The following KCNAB1 variants were observed in gnomAD, a reference collection of about 807,000 sequenced individuals.
KCNAB1 encodes voltage-gated potassium channel subunit beta-1.
Under a neutral mutation model 64.6 loss-of-function variants are expected in KCNAB1, and 35 were observed. That is an observed-to-expected ratio of 0.54 (90% CI 0.41 to 0.72). KCNAB1 has a LOEUF of 0.72. Ranked by LOEUF, KCNAB1 falls within the 30% of genes least tolerant of loss-of-function variation. The pLI is 0.00. For missense variants in KCNAB1, 401 were observed against 512.9 expected (o/e 0.78, Z 2.11); for synonymous variants, 177 against 183.8 (o/e 0.96, Z 0.30).
intron 2 of KCNAB1, among the ~76,000 whole-genome samples, chr3:156,448,849 A>G (rs1711784421): frequency 6.6e-6 from 1 of 152,230 alleles, no homozygotes; most frequent in Non-Finnish European, 1.5e-5. Context: ...TCAACAAGGC[A>G]ATGTAATTCA....
At chr3:156,529,700 T>A (rs1718565127) in intron 12 of KCNAB1, among the ~76,000 whole-genome samples, 1 of 152,164 alleles carries the variant, frequency 6.6e-6, no homozygotes, top group African/African-American at 2.4e-5. Flanking sequence ...TTAGGAGGAA[T>A]AATCAACTGG....
chr3:156,439,662 G>C (rs1009760392), intron 2 of KCNAB1, among the ~76,000 whole-genome samples: 2 of 152,168 alleles, frequency 1.3e-5, no homozygotes, highest in African/African-American at 4.8e-5. Context: ...TGAGGTTTGG[G>C]CCAATCACAA....
intron 13 of KCNAB1, 144 bp downstream of exon 13, chr3:156,531,641 C>T: frequency 1.5e-6 from 1 of 687,070 alleles, no homozygotes; most frequent in East Asian, 2.6e-5. Context: ...TTTCCCAGTA[C>T]ATGGATCCAG....
intron 1 of KCNAB1, among the ~76,000 whole-genome samples, chr3:156,354,122 A>ATATATATATGTATATATATATGTG (rs1725063662): frequency 1.4e-5 from 1 of 69,556 alleles, no homozygotes; most frequent in Non-Finnish European, 3.1e-5. Flanking sequence ...GTGTGTGTGT[A>ATATATATATGTATATATATATGTG]TATATATATA....
At chr3:156,415,025 T>C (rs1714950398) in intron 1 of KCNAB1, among the ~76,000 whole-genome samples, 1 of 152,194 alleles carries the variant, frequency 6.6e-6, no homozygotes, top group South Asian at 2.1e-4. Flanking sequence ...TCCCACTTTT[T>C]CTAGTGACTC....
intron 2 of KCNAB1, among the ~76,000 whole-genome samples, chr3:156,444,715 C>T (rs1329585983): frequency 6.6e-6 from 1 of 152,220 alleles, no homozygotes; most frequent in African/African-American, 2.4e-5. Flanking sequence ...ATGGGCCTTC[C>T]CCTCAGGCCA....
chr3:156,354,404 GC>G (rs1442773608), intron 1 of KCNAB1, among the ~76,000 whole-genome samples: 3 of 151,442 alleles, frequency 2.0e-5, no homozygotes, highest in Non-Finnish European at 2.9e-5. Flanking sequence ...CAAGTGATCT[GC>G]CTGCCTCGGC....
At chr3:156,395,471 G>A (rs1379477324) in intron 1 of KCNAB1, among the ~76,000 whole-genome samples, 1 of 141,630 alleles carries the variant, frequency 7.1e-6, no homozygotes, top group East Asian at 2.0e-4. Context: ...CGTGAACCAG[G>A]GAGGCGGAGC....
chr3:156,302,328 C>T (rs886403734), intron 1 of KCNAB1, among the ~76,000 whole-genome samples: 1 of 152,108 alleles, frequency 6.6e-6, no homozygotes, highest in Non-Finnish European at 1.5e-5. Context: ...GTAATATGTG[C>T]GCAGTTTCCA....
At chr3:156,215,875 A>C (rs981849966) in intron 1 of KCNAB1, 1 of 152,226 alleles carries the variant, frequency 6.6e-6, no homozygotes, top group African/African-American at 2.4e-5. Flanking sequence ...AATTCCTTTC[A>C]TTATGTGGGA....
chr3:156,457,717 G>A (rs1310003993), intron 4 of KCNAB1, among the ~76,000 whole-genome samples, 185 bp downstream of exon 4: 2 of 152,102 alleles, frequency 1.3e-5, no homozygotes, highest in African/African-American at 4.8e-5. Context: ...GGCACTCTCT[G>A]CTCACCCAAA....
At chr3:156,441,371 T>C (rs189622366) in intron 2 of KCNAB1, 5 of 152,284 alleles carry the variant, frequency 3.3e-5, no homozygotes, top group Admixed American at 1.3e-4. Context: ...AGAGGACACA[T>C]TGACTTTCAA....
chr3:156,132,516 A>G (rs1197640780), intron 1 of KCNAB1, among the ~76,000 whole-genome samples: 1 of 152,034 alleles, frequency 6.6e-6, no homozygotes, highest in African/African-American at 2.4e-5. Context: ...TTCCATTGTG[A>G]GATGGAGTTG....
rs746883245 is a variant in KCNAB1 at position 156,515,234 on chromosome 3, T to A, written c.865+14T>A. 2 of 1,597,746 alleles carry A rather than the reference T, an allele frequency of 1.3e-6. No individual in the cohort carries two copies. Among genetic ancestry groups the A allele is most frequent in the East Asian group, 4.5e-5 (2 of 44,730 alleles). ...ACCACAAAATAGGTAATCTTCAAAA[T>A]AAAAGCTACTGAGTATTTTTAACAA... On this transcript the variant is annotated intron_variant, in intron 10 of 13. Coordinates refer to ENST00000490337, the MANE Select transcript of KCNAB1 (RefSeq NM_172160.3).
chr3:156,420,997 A>G (rs1290933480), intron 1 of KCNAB1, among the ~76,000 whole-genome samples: 1 of 148,926 alleles, frequency 6.7e-6, no homozygotes, highest in Non-Finnish European at 1.5e-5. Context: ...TCTATGTATT[A>G]TATTATAATA....
chr3:156,292,128 G>C, intron 1 of KCNAB1: 1 of 1,613,750 alleles, frequency 6.2e-7, no homozygotes, highest in Non-Finnish European at 8.5e-7. Context: ...ATGAAATATA[G>C]GTATGCACGT....
intron 1 of KCNAB1, among the ~76,000 whole-genome samples, chr3:156,309,789 A>G (rs1378979864): frequency 2.0e-5 from 3 of 152,234 alleles, no homozygotes; most frequent in African/African-American, 7.2e-5. Context: ...TTTGTGATCA[A>G]CCACATTATC....
intron 1 of KCNAB1, among the ~76,000 whole-genome samples, chr3:156,356,984 A>G (rs1198359628): frequency 1.3e-5 from 2 of 152,224 alleles, no homozygotes; most frequent in Non-Finnish European, 2.9e-5. Context: ...CAACTGGCAG[A>G]TGCCTCTGGC....
At chr3:156,259,797 A>T (rs537279147) in intron 1 of KCNAB1, among the ~76,000 whole-genome samples, 1 of 152,244 alleles carries the variant, frequency 6.6e-6, no homozygotes, top group East Asian at 1.9e-4. Flanking sequence ...TGTGACCTCC[A>T]TGATGCTCTG....
Sources: allele counts gnomAD v4.1 joint callset (sites outside exome capture counted in the v4.1 genomes callset), GRCh38; gene constraint gnomAD v4.1.1; transcripts MANE v1.5; gene names NCBI Gene and HGNC (gene_info 2026-07-23, HGNC 2026-07-21).